BPIFA1: variants seen among roughly 807,000 people sequenced by gnomAD.
BPIFA1 encodes BPI fold-containing family A member 1.
BPIFA1 carries 24 observed loss-of-function variants against 25.1 expected under a neutral mutation model. The observed-to-expected ratio is 0.96, with a 90% confidence interval of 0.69 to 1.35. The LOEUF is 1.35. Ranked by LOEUF, BPIFA1 falls within the 40% of genes most tolerant of loss-of-function variation. The pLI, the probability that BPIFA1 is intolerant of heterozygous loss-of-function variation, is 0.00. For synonymous variants in BPIFA1, 139 were observed against 131.8 expected, an observed-to-expected ratio of 1.05 and a Z score of -0.37; for missense variants, 344 against 303.7, an observed-to-expected ratio of 1.13 and a Z score of -0.99.
intron 5 of BPIFA1, among the ~76,000 whole-genome samples, chr20:33,241,036 T>C (rs891296721): frequency 6.6e-6 from 1 of 152,202 alleles, no homozygotes; most frequent in Admixed American, 6.5e-5. Context: ...GTGGTTAACT[T>C]TTAATGAACA....
chr20:33,238,552 A>G (rs1978808494), intron 3 of BPIFA1, among the ~76,000 whole-genome samples: 1 of 152,240 alleles, frequency 6.6e-6, no homozygotes, highest in South Asian at 2.1e-4. Flanking sequence ...AGTGATGCCA[A>G]GTGAGTAAGG....
rs764093028 is a variant in BPIFA1, at chr20:33,240,242, C to G, written c.438C>G (p.Val146=). 2 of 1,613,852 alleles carry G rather than the reference C, an allele frequency of 1.2e-6. No homozygotes were observed. The highest frequency in any genetic ancestry group is 4.5e-5 in the East Asian group (2 of 44,878). The part of the protein sequence containing the change: ...GIKLQVNTPL[V]GASLLRLAVK... The stretch of plus-strand genomic sequence containing the variant: ...GCTGTCTCCTTTGCAGGCCCCTGGT[C>G]GGTGCAAGTCTGTTGAGGCTGGCTG... The change falls in exon 5 of 9, where the codon GTC becomes GTG. Residue 146 remains valine, a synonymous_variant. Coordinates refer to ENST00000354297, the MANE Select transcript of BPIFA1 (RefSeq NM_130852.3).
At chr20:33,236,244 A>G (rs1341708375) in intron 1 of BPIFA1, among the ~76,000 whole-genome samples, 194 bp downstream of exon 1, 1 of 152,188 alleles carries the variant, frequency 6.6e-6, no homozygotes, top group Non-Finnish European at 1.5e-5. Context: ...TTGATATAGA[A>G]ATGGGCACTA....
rs780945949 is a variant in BPIFA1 at position 33,242,088 on chromosome 20, C to T, written c.699C>T (p.Gly233=). The change falls in exon 7 of 9, where the codon GGC becomes GGT. Residue 233 remains glycine (G), a synonymous_variant. Transcript: ENST00000354297. ...CTCTGGTCAATGAGGTTCTCAGAGG[C>T]TTGGACATCACCCTGGTGCATGACA... ...VCPLVNEVLR[G]LDITLVHDIV... 122 of 1,614,068 alleles carry T rather than the reference C, an allele frequency of 7.6e-5. No homozygotes were observed. The highest frequency in any genetic ancestry group is 9.8e-5 in the Non-Finnish European group (116 of 1,180,032).
chr20:33,241,337 C>G, intron 5 of BPIFA1, 48 bp from the exon 6 acceptor site: 1 of 1,541,294 alleles, frequency 6.5e-7, no homozygotes, highest in Non-Finnish European at 9.0e-7. Context: ...GGAGACTTCT[C>G]CACACCATCT....
intron 3 of BPIFA1, among the ~76,000 whole-genome samples, chr20:33,238,737 G>C (rs555174005): frequency 6.6e-6 from 1 of 152,314 alleles, no homozygotes; most frequent in East Asian, 1.9e-4. Flanking sequence ...GATGTCCATG[G>C]AAAGGTCTAA....
chr20:33,242,061 C>A lies in BPIFA1; in HGVS notation c.672C>A (p.Cys224Ter). 6.2e-7 allele frequency: 1 copy of A among 1,614,016 alleles called. No homozygotes were observed. Among genetic ancestry groups the A allele is most frequent in the Non-Finnish European group, 8.5e-7 (1 of 1,179,874 alleles). ...VLPELVQGNV[C>*]PLVNEVLRGL... ...TCCTCTCTGCCCCTGGCCAGGTGTGCCCTCTGGTCAATGAGGTTCTCAGAG... is the reference window on the plus strand; with the variant it reads ...TCCTCTCTGCCCCTGGCCAGGTGTGACCTCTGGTCAATGAGGTTCTCAGAG... The change falls in exon 7 of 9, where the codon TGC becomes TGA. Residue 224 changes from cysteine (C) to a stop codon, truncating the protein, a stop_gained. Transcript: ENST00000354297. LOFTEE classifies it high-confidence loss of function.
chr20:33,239,954 G>A (rs191104003), intron 4 of BPIFA1, 44 bp downstream of exon 4: 1 of 1,557,486 alleles, frequency 6.4e-7, no homozygotes, highest in East Asian at 2.2e-5. Context: ...CTCACCGAGG[G>A]AGACCCTGGT....
At chr20:33,242,210 G>A in intron 7 of BPIFA1, 91 bp downstream of exon 7, 1 of 1,328,826 alleles carries the variant, frequency 7.5e-7, no homozygotes. Context: ...TAGGATACTA[G>A]GTCCCTCTGG....
rs756668792 is a variant in BPIFA1 at position 33,241,422 on chromosome 20, C to A, written c.619C>A (p.Leu207Ile). Residue 207 changes from leucine to isoleucine, a missense_variant, in exon 6 of 9, where the codon CTC becomes ATC. Transcript: ENST00000354297. ...PLPIQGLLDSLTGILNKVLPE... is the reference protein window; with the variant it reads ...PLPIQGLLDSITGILNKVLPE... Reference sequence around the variant, plus strand: ...CCCCATTCAAGGTCTTCTGGACAGCCTCACAGGGATCTTGAATAAAGTCCT... The same window carrying A: ...CCCCATTCAAGGTCTTCTGGACAGCATCACAGGGATCTTGAATAAAGTCCT... 1 of 1,614,156 alleles carries A rather than the reference C, an allele frequency of 6.2e-7. No individual in the cohort carries two copies. Among genetic ancestry groups the A allele is most frequent in the African/African-American group, 1.3e-5 (1 of 75,036 alleles).
rs1245260664 is a variant in BPIFA1, at chr20:33,242,467, T to C, written c.731-20T>C. On this transcript the variant is annotated intron_variant, in intron 7 of 8. Coordinates refer to ENST00000354297, the MANE Select transcript of BPIFA1 (RefSeq NM_130852.3). ...ATCATAACTGTCGTCTGTTTTTTTA[T>C]TGCTTGTTTGTTTGTTTAGACATGC... is the stretch of plus-strand genomic sequence containing the variant. 4 of 1,613,830 alleles carry C rather than the reference T, an allele frequency of 2.5e-6. No individual in the cohort carries two copies. In the East Asian group the frequency reaches 6.7e-5, roughly 27 times the overall value.
chr20:33,241,354 C>T (rs898637829), intron 5 of BPIFA1, 31 bp from the exon 6 acceptor site: 7 of 1,576,796 alleles, frequency 4.4e-6, no homozygotes, highest in Non-Finnish European at 6.1e-6. Context: ...ATCTCCAGGT[C>T]CCTGCATCAC....
At chr20:33,240,109 T>C in intron 4 of BPIFA1, 124 bp from the exon 5 acceptor site, 2 of 1,436,354 alleles carry the variant, frequency 1.4e-6, no homozygotes, top group Non-Finnish European at 1.9e-6. Context: ...TGCTAGAAAA[T>C]GAGATAAGTA....
chr20:33,241,351 G>A, intron 5 of BPIFA1, 34 bp from the exon 6 acceptor site: 1 of 1,572,658 alleles, frequency 6.4e-7, no homozygotes, highest in Non-Finnish European at 8.8e-7. Flanking sequence ...ACCATCTCCA[G>A]GTCCCTGCAT....
chr20:33,238,606 C>T (rs543474829), intron 3 of BPIFA1, among the ~76,000 whole-genome samples: 11 of 152,366 alleles, frequency 7.2e-5, no homozygotes, highest in Middle Eastern at 3.4e-3. Context: ...GCTCTTCCCA[C>T]TACACTGTGG....
chr20:33,237,939 TG>T (rs1380983583), intron 2 of BPIFA1, 68 bp downstream of exon 2: 1 of 1,358,780 alleles, frequency 7.4e-7, no homozygotes, highest in African/African-American at 2.0e-5. Context: ...TGTGTGTGTG[TG>T]TGTGTGTGTG....
At chr20:33,241,562 A>C (rs1978981678) in intron 6 of BPIFA1, 93 bp downstream of exon 6, 1 of 1,045,580 alleles carries the variant, frequency 9.6e-7, no homozygotes, top group South Asian at 1.3e-5. Flanking sequence ...CGAGTCCCTC[A>C]ATTTGATAAG....
intron 5 of BPIFA1, among the ~76,000 whole-genome samples, chr20:33,241,132 C>T (rs1978959713): frequency 6.6e-6 from 1 of 152,222 alleles, no homozygotes; most frequent in Non-Finnish European, 1.5e-5. Flanking sequence ...ATGGACTCTG[C>T]AAAGCCTTAT....
intron 5 of BPIFA1, among the ~76,000 whole-genome samples, chr20:33,241,016 A>C (rs1978952372): frequency 1.3e-5 from 2 of 152,200 alleles, no homozygotes; most frequent in Non-Finnish European, 2.9e-5. Flanking sequence ...ATTACGCAAA[A>C]GTTGCCCACG....
Sources: allele counts gnomAD v4.1 joint callset (sites outside exome capture counted in the v4.1 genomes callset), GRCh38; gene constraint gnomAD v4.1.1; transcripts MANE v1.5; gene names NCBI Gene and HGNC (gene_info 2026-07-23, HGNC 2026-07-21).